PLCE1: variants seen among roughly 807,000 people sequenced by gnomAD.
PLCE1 encodes phospholipase C epsilon 1.
Under a neutral mutation model 242.8 loss-of-function variants are expected in PLCE1, and 119 were observed. The ratio of observed to expected loss-of-function variants is 0.49; its 90% CI spans 0.42 to 0.57. The LOEUF is 0.57. Among genes scored for constraint, PLCE1 ranks in the 20% least tolerant of loss-of-function variants. The pLI is 0.00. For missense variants in PLCE1, 2,441 were observed against 2,788.8 expected (o/e 0.88, Z 2.81); for synonymous variants, 945 against 1,017.4 (o/e 0.93, Z 1.35).
intron 2 of PLCE1, among the ~76,000 whole-genome samples, chr10:94,070,212 A>G (rs1028256757): frequency 6.6e-6 from 1 of 152,216 alleles, no homozygotes; most frequent in Non-Finnish European, 1.5e-5. Flanking sequence ...TCTAAATTTT[A>G]AACAGTTAAG....
chr10:94,321,452 C>G (rs977334484), intron 29 of PLCE1, among the ~76,000 whole-genome samples: 8 of 151,966 alleles, frequency 5.3e-5, no homozygotes, highest in African/African-American at 1.9e-4. Context: ...GCCAGCATGG[C>G]GAAACCCTGT....
At chr10:94,303,407 C>G (rs2053103030) in intron 24 of PLCE1, among the ~76,000 whole-genome samples, 1 of 152,158 alleles carries the variant, frequency 6.6e-6, no homozygotes, top group Non-Finnish European at 1.5e-5. Context: ...AATTGTTCAT[C>G]AAAGTACTGT....
intron 2 of PLCE1, among the ~76,000 whole-genome samples, chr10:94,033,075 T>G (rs1160081147): frequency 6.6e-6 from 1 of 152,048 alleles, no homozygotes; most frequent in Non-Finnish European, 1.5e-5. Flanking sequence ...TAGAGAAGAT[T>G]TAAAGTATAC....
At chr10:94,303,557 G>T (rs944291914) in intron 24 of PLCE1, among the ~76,000 whole-genome samples, 2 of 152,106 alleles carry the variant, frequency 1.3e-5, no homozygotes, top group Non-Finnish European at 2.9e-5. Context: ...TAGGTGTATT[G>T]TAATTTATGG....
At chr10:94,292,992 A>G (rs1379173346) in intron 22 of PLCE1, among the ~76,000 whole-genome samples, 1 of 152,250 alleles carries the variant, frequency 6.6e-6, no homozygotes, top group East Asian at 1.9e-4. Context: ...TTATCACCAT[A>G]TTTCCCATCT....
At chr10:94,138,284 C>A (rs12251182) in intron 3 of PLCE1, 2 of 341,148 alleles carry the variant, frequency 5.9e-6, no homozygotes, top group African/African-American at 2.2e-5. Flanking sequence ...GCGTATTGAC[C>A]TTCCATGCCA....
intron 14 of PLCE1, among the ~76,000 whole-genome samples, chr10:94,265,108 C>T (rs566604286): frequency 2.0e-5 from 3 of 152,314 alleles, no homozygotes; most frequent in East Asian, 1.9e-4. Flanking sequence ...CAGAGAGGAG[C>T]GGTGTGGCTC....
chr10:94,223,282 T>G (rs953908662), intron 4 of PLCE1, among the ~76,000 whole-genome samples: 1 of 148,056 alleles, frequency 6.8e-6, no homozygotes, highest in Non-Finnish European at 1.5e-5. Context: ...GAAGCCTTCC[T>G]GCAGAAGGAA....
intron 4 of PLCE1, among the ~76,000 whole-genome samples, chr10:94,206,685 C>T (rs1381941987): frequency 2.0e-5 from 3 of 152,220 alleles, no homozygotes; most frequent in Non-Finnish European, 4.4e-5. Flanking sequence ...CCTGTCTTCT[C>T]TTGTTTAGAG....
chr10:94,162,738 T>C (rs2047658708), intron 3 of PLCE1, among the ~76,000 whole-genome samples: 1 of 152,262 alleles, frequency 6.6e-6, no homozygotes, highest in African/African-American at 2.4e-5. Context: ...GTTCTTTTAA[T>C]TGTGATGTTA....
intron 2 of PLCE1, among the ~76,000 whole-genome samples, chr10:94,127,486 A>G (rs2046468706): frequency 6.6e-6 from 1 of 152,208 alleles, no homozygotes. Context: ...GCCAAAAGCA[A>G]CAAGAGAGAG....
At chr10:94,181,689 G>A (rs2048316274) in intron 4 of PLCE1, among the ~76,000 whole-genome samples, 2 of 152,182 alleles carry the variant, frequency 1.3e-5, no homozygotes, top group South Asian at 4.1e-4. Flanking sequence ...CAGGAGGGTT[G>A]CTTGAGTCCA....
intron 28 of PLCE1, chr10:94,315,320 TGAG>T (rs1480887210): frequency 4.5e-6 from 2 of 442,236 alleles, no homozygotes; most frequent in Non-Finnish European, 4.5e-6. Flanking sequence ...GGCAGGGGCC[TGAG>T]GAGAAGGGTG....
chr10:94,110,533 C>T (rs1479520308), intron 2 of PLCE1, among the ~76,000 whole-genome samples: 1 of 152,112 alleles, frequency 6.6e-6, no homozygotes, highest in Non-Finnish European at 1.5e-5. Context: ...GGAGGAATCT[C>T]ACATAGAATT....
intron 3 of PLCE1, chr10:94,138,066 A>T (rs1298193021): frequency 2.7e-6 from 1 of 366,694 alleles, no homozygotes. Context: ...GAGTTTCGTC[A>T]GTTGTCTGTG....
At chr10:94,214,600 G>A (rs1564795203) in intron 4 of PLCE1, among the ~76,000 whole-genome samples, 2 of 152,086 alleles carry the variant, frequency 1.3e-5, no homozygotes, top group Non-Finnish European at 1.5e-5. Context: ...TGGAATGTAC[G>A]CCAACACAGG....
chr10:94,048,137 G>A (rs1257529290), intron 2 of PLCE1, among the ~76,000 whole-genome samples: 1 of 152,086 alleles, frequency 6.6e-6, no homozygotes, highest in Non-Finnish European at 1.5e-5. Context: ...TTATATTCCT[G>A]TATGTGAATA....
rs1554877545 is a variant in PLCE1 at position 94,179,512 on chromosome 10, G to GTTTTTTTTTTTTTTTT, written c.1809+8019_1809+8034dup. On this transcript the variant is annotated intron_variant, in intron 4 of 32. Coordinates refer to ENST00000371380, the MANE Select transcript of PLCE1 (RefSeq NM_016341.4). ...TTTATCTTATTTTTATTTTAGTTTAGTTTTTTTTTTTTTTTTTTGACAGGG... is the reference window on the plus strand; with the variant it reads ...TTTATCTTATTTTTATTTTAGTTTAGTTTTTTTTTTTTTTTTTTTTTTTTTTTTTTTTTTGACAGGG... 3.2e-3 allele frequency among the ~76,000 whole-genome samples: 62 copies of GTTTTTTTTTTTTTTTT among 19,370 alleles called. 6 individuals are homozygous for GTTTTTTTTTTTTTTTT. The highest frequency in any genetic ancestry group is 8.5e-3 in the African/African-American group (53 of 6,266). The allele number at this position is 19,370 out of a possible 152,430, so 12.7% of individuals were successfully genotyped here.
At position 94,031,123 on chromosome 10, in the gene PLCE1, C is replaced by A; in HGVS notation, c.77C>A (p.Ala26Glu). The stretch of plus-strand genomic sequence containing the variant: ...AAAGTGGTTTCTGCCCAGTCGGCTG[C>A]AGATGAAAGTAGTGAAAAGGTCTCA... ...QRKVVSAQSAADESSEKVSDI... is the reference protein window; with the variant it reads ...QRKVVSAQSAEDESSEKVSDI... The change falls in exon 2 of 33, where the codon GCA becomes GAA. Residue 26 changes from alanine to glutamate, a missense_variant. By Grantham distance (107) the Ala-to-Glu change is moderately radical. Coordinates refer to ENST00000371380, the MANE Select transcript of PLCE1 (RefSeq NM_016341.4). 1 of 1,613,772 alleles carries A rather than the reference C, an allele frequency of 6.2e-7. No individual in the cohort carries two copies. The highest frequency in any genetic ancestry group is 1.1e-5 in the South Asian group (1 of 91,074).
Sources: gnomAD v4.1 joint callset for allele counts (sites outside exome capture counted in the v4.1 genomes callset) on GRCh38, gnomAD v4.1.1 for gene constraint, MANE v1.5 for transcripts, NCBI Gene and HGNC (gene_info 2026-07-23, HGNC 2026-07-21) for gene names.